Variants in PWWP3A observed in about 807,000 individuals in gnomAD.
PWWP3A encodes PWWP domain-containing DNA repair factor 3A.
In PWWP3A, 53 loss-of-function variants were observed where a neutral mutation model predicts 79.0. The ratio of observed to expected loss-of-function variants is 0.67; its 90% confidence interval spans 0.54 to 0.84. The LOEUF (loss-of-function observed/expected upper bound fraction) is 0.84. Among genes scored for constraint, PWWP3A ranks in the 40% least tolerant of loss-of-function variants. The pLI is 0.00. For missense variants in PWWP3A, 973 were observed against 948.0 expected (o/e 1.03, Z -0.35); for synonymous variants, 443 against 394.4 (o/e 1.12, Z -1.46).
At chr19:1,357,399 C>CTTTTTTTTTTT (rs66856576) in intron 3 of PWWP3A, 1 of 127,882 alleles carries the variant, frequency 7.8e-6, no homozygotes. Context: ...GGGATATTTC[C>CTTTTTTTTTTT]TTTTTTTTTT....
chr19:1,366,259 C>T lies in PWWP3A; in HGVS notation c.1285-46C>T, dbSNP rs773865225. On this transcript the variant is annotated intron_variant, in intron 7 of 13. Transcript: ENST00000591337. ...GTCACAAAAAAATATTTAAAATCCACGATCTCTTTTGTTTTGACGTTTTAT... is the reference window on the plus strand; with the variant it reads ...GTCACAAAAAAATATTTAAAATCCATGATCTCTTTTGTTTTGACGTTTTAT... The T allele has an allele frequency of 7.0e-6, 11 of 1,579,660 alleles. No homozygotes were observed. The East Asian group carries it at 1.8e-4, about 26-fold the overall frequency.
chr19:1,375,537 T>TATATATAAAATATATATAAAATATA (rs1162661703), intron 13 of PWWP3A, among the ~76,000 whole-genome samples: 4 of 96,216 alleles, frequency 4.2e-5, no homozygotes, highest in Admixed American at 3.9e-4. Context: ...ATTTATATAT[T>TATATATAAAATATATATAAAATATA]TTATATATAA....
chr19:1,371,196 A>G (rs1320300921), intron 12 of PWWP3A, 118 bp downstream of exon 12: 17 of 1,207,026 alleles, frequency 1.4e-5, no homozygotes, highest in African/African-American at 3.0e-5. Context: ...TCGGCGGCCA[A>G]CGGAGCGTGG....
chr19:1,366,274 T>C (rs1212792580), intron 7 of PWWP3A, 31 bp from the exon 8 acceptor site: 2 of 1,606,262 alleles, frequency 1.2e-6, no homozygotes, highest in Non-Finnish European at 1.7e-6. Flanking sequence ...TCTTTTGTTT[T>C]GACGTTTTAT....
intron 6 of PWWP3A, among the ~76,000 whole-genome samples, chr19:1,363,589 T>TG (rs1003822725): frequency 1.3e-4 from 20 of 152,228 alleles, no homozygotes; most frequent in East Asian, 1.9e-4. Context: ...GCCTGGCTTC[T>TG]CCTGCCTGCG....
chr19:1,360,274 C>A lies in PWWP3A; in HGVS notation c.353C>A (p.Ser118Tyr). ...GCAGGGACAGGTAGAGCTGACCGGTCTCTGCGAGGGAAGCCCATGGAGCAT... is the reference window on the plus strand; with the variant it reads ...GCAGGGACAGGTAGAGCTGACCGGTATCTGCGAGGGAAGCCCATGGAGCAT... Reference protein sequence around the residue: ...SSAGTGRADRSLRGKPMEHVS... With the variant: ...SSAGTGRADRYLRGKPMEHVS... The change falls in exon 5 of 14, where the codon TCT becomes TAT. Residue 118 changes from serine (S) to tyrosine (Y), a missense_variant. Ser to Tyr is a moderately radical substitution (Grantham distance 144). Transcript: ENST00000591337. This position sits in a 1 kb window ranked among gnomAD's most constrained non-coding sequence, Gnocchi z 4.4. 2 of 1,614,082 alleles carry A rather than the reference C, an allele frequency of 1.2e-6. No individual in the cohort carries two copies. The highest frequency in any genetic ancestry group is 1.7e-6 in the Non-Finnish European group (2 of 1,179,992).
intron 12 of PWWP3A, 67 bp downstream of exon 12, chr19:1,371,145 C>T (rs893595601): frequency 9.3e-6 from 14 of 1,509,362 alleles, no homozygotes; most frequent in Middle Eastern, 3.4e-4. Flanking sequence ...CAACTCCGCA[C>T]GAGGAGGCTG....
chr19:1,371,029 G>T lies in PWWP3A; in HGVS notation c.1937G>T (p.Arg646Leu). The change falls in exon 12 of 14, where the codon CGC becomes CTC. Residue 646 changes from arginine to leucine, a missense_variant. Arg to Leu is a moderately radical substitution (Grantham distance 102, BLOSUM62 -2). Coordinates refer to ENST00000591337, the MANE Select transcript of PWWP3A (RefSeq NM_001369789.1). Reference protein sequence around the residue: ...YQEVGAKVLQRTNGDRIRFIL... With the variant: ...YQEVGAKVLQLTNGDRIRFIL... ...GAGGTGGGGGCCAAGGTGCTCCAGC[G>T]CACCAACGGCGACCGGATCCGGTTC... 6.4e-7 allele frequency: 1 copy of T among 1,574,440 alleles called. No individual in the cohort carries two copies. Among genetic ancestry groups the T allele is most frequent in the Non-Finnish European group, 8.6e-7 (1 of 1,159,808 alleles).
intron 12 of PWWP3A, chr19:1,371,593 A>C: frequency 1.7e-6 from 1 of 596,260 alleles, no homozygotes; most frequent in South Asian, 2.0e-5. Flanking sequence ...GGTGAGGAGC[A>C]AATACAGATG....
At chr19:1,376,179 ACAATGGCATGATCTTGGCTCACTG>A in intron 13 of PWWP3A, among the ~76,000 whole-genome samples, 1 of 145,984 alleles carries the variant, frequency 6.9e-6, no homozygotes, top group Middle Eastern at 3.6e-3. Context: ...AGGCTGGAGT[ACAATGGCATGATCTTGGCTCACTG>A]CAAGCACCAC....
chr19:1,376,771 C>A lies in PWWP3A; in HGVS notation c.*195C>A. ...TAACACTGAAAGCCAGTTCTCTTTT[C>A]CTGGCAGTTTTTTTCATTTTATTTT... On this transcript the variant is annotated 3_prime_UTR_variant, in exon 14 of 14. Coordinates refer to ENST00000591337, the MANE Select transcript of PWWP3A (RefSeq NM_001369789.1). 2.0e-6 allele frequency: 1 copy of A among 491,978 alleles called. No individual in the cohort carries two copies. The highest frequency in any genetic ancestry group is 3.6e-6 in the Non-Finnish European group (1 of 278,074). 30.5% of individuals were successfully genotyped at this position (491,978 alleles called of 1,614,324 possible).
intron 6 of PWWP3A, 110 bp downstream of exon 6, chr19:1,362,461 T>C: frequency 1.3e-6 from 1 of 770,688 alleles, no homozygotes; most frequent in Non-Finnish European, 2.1e-6. Flanking sequence ...TCCTGCGAGT[T>C]CATTTCTCTC....
In PWWP3A at chr19:1,369,148, GGGCTGGAGCGTGAGCAGCCTGGAC is replaced by G. The variant is rs2082196129; in HGVS notation, c.1423-116_1423-93del. ...CTTTGTCAGGGAGGGTCAGAGGTGCGGGCTGGAGCGTGAGCAGCCTGGACACCTGGCTGGTCCCTGGGCTCTGCG... is the reference window on the plus strand; with the variant it reads ...CTTTGTCAGGGAGGGTCAGAGGTGCGACCTGGCTGGTCCCTGGGCTCTGCG... On this transcript the variant is annotated intron_variant, in intron 9 of 13. Transcript: ENST00000591337. The surrounding 1 kb of genome is among the most constrained non-coding windows in gnomAD (Gnocchi z 4.0). The G allele has an allele frequency of 3.1e-5, 27 of 857,194 alleles. No individual in the cohort carries two copies. The South Asian group carries it at 3.8e-4, about 12-fold the overall frequency. The allele number at this position is 857,194 out of a possible 1,614,324, so 53.1% of individuals were successfully genotyped here.
chr19:1,358,729 G>T (rs967579635), intron 4 of PWWP3A: 13 of 1,401,690 alleles, frequency 9.3e-6, no homozygotes, highest in East Asian at 2.8e-5. Flanking sequence ...TCGTACCCCC[G>T]TGGCCTCCAG....
At chr19:1,361,141 C>T (rs1258378413) in intron 5 of PWWP3A, 109 bp downstream of exon 5, 5 of 1,136,932 alleles carry the variant, frequency 4.4e-6, no homozygotes, top group South Asian at 5.4e-5. Flanking sequence ...TTAATGAGAT[C>T]GTTGCCAAAA....
chr19:1,366,995 A>G (rs2668419), intron 8 of PWWP3A, among the ~76,000 whole-genome samples, 165 bp from the exon 9 acceptor site: 111,805 of 152,118 alleles, frequency 0.73, 41,291 homozygotes, highest in Middle Eastern at 0.83. Context: ...ACCATGGTGC[A>G]TTGGGAGCTT....
At chr19:1,356,173 G>T in intron 1 of PWWP3A, 151 bp from the exon 2 acceptor site, 2 of 552,256 alleles carry the variant, frequency 3.6e-6, no homozygotes, top group Admixed American at 3.0e-5. Context: ...TTGTCAGTCT[G>T]CTTTTTGGCA....
intron 3 of PWWP3A, 41 bp from the exon 4 acceptor site, chr19:1,358,353 G>T (rs370568089): frequency 2.4e-5 from 37 of 1,526,220 alleles, no homozygotes; most frequent in Non-Finnish European, 3.3e-5. Flanking sequence ...TGTCTTGGCG[G>T]CGTTGGCTGG....
At chr19:1,371,229 G>T (rs531732368) in intron 12 of PWWP3A, 151 bp downstream of exon 12, 1 of 873,690 alleles carries the variant, frequency 1.1e-6, no homozygotes, top group South Asian at 1.4e-5. Context: ...TTTACATCCT[G>T]TCAGTGCTGG....
Sources: gnomAD v4.1 joint callset for allele counts (sites outside exome capture counted in the v4.1 genomes callset) on GRCh38, gnomAD v4.1.1 for gene constraint, Gnocchi (gnomAD v3.1) non-coding constraint, MANE v1.5 for transcripts, NCBI Gene and HGNC (gene_info 2026-07-23, HGNC 2026-07-21) for gene names.